The following PCDHA2 variants were observed in gnomAD, a reference collection of about 807,000 sequenced individuals.
The protein encoded by PCDHA2 is protocadherin alpha-2.
Under a neutral mutation model 66.0 loss-of-function variants are expected in PCDHA2, and 58 were observed. That is an observed-to-expected ratio of 0.88 (90% CI 0.71 to 1.09). PCDHA2 has a LOEUF of 1.09. Among genes scored for constraint, PCDHA2 ranks in the 50% least tolerant of loss-of-function variants. The pLI is 0.00. For synonymous variants in PCDHA2, 634 were observed against 554.0 expected (o/e 1.14, Z -2.03); for missense variants, 1,267 against 1,242.3 (o/e 1.02, Z -0.30).
intron 1 of PCDHA2, chr5:140,802,583 G>A: frequency 1.2e-6 from 2 of 1,613,990 alleles, no homozygotes; most frequent in Non-Finnish European, 1.7e-6. Context: ...AGTACACGGT[G>A]TTCGTGAAGG....
chr5:140,819,460 C>T (rs898793780), intron 1 of PCDHA2, among the ~76,000 whole-genome samples: 2 of 152,056 alleles, frequency 1.3e-5, no homozygotes, highest in Admixed American at 6.6e-5. Flanking sequence ...CAAGGAAGAA[C>T]TTCTGTTTAC....
intron 3 of PCDHA2, among the ~76,000 whole-genome samples, chr5:140,983,479 G>A (rs1297150913): frequency 1.3e-5 from 2 of 152,194 alleles, no homozygotes; most frequent in Non-Finnish European, 2.9e-5. Context: ...GATAATAGTA[G>A]TTACTAATTA....
chr5:140,856,933 C>A (rs1554149303), intron 1 of PCDHA2: 5 of 1,593,874 alleles, frequency 3.1e-6, no homozygotes, highest in East Asian at 4.5e-5. Flanking sequence ...TTTGGATAAA[C>A]GAAAGGACGG....
intron 1 of PCDHA2, chr5:140,869,239 G>A: frequency 6.2e-7 from 1 of 1,613,652 alleles, no homozygotes; most frequent in Non-Finnish European, 8.5e-7. Context: ...CACCTTCGTG[G>A]GCCGCATCGC....
chr5:140,939,729 G>A (rs1376988004), intron 1 of PCDHA2, among the ~76,000 whole-genome samples: 16 of 152,166 alleles, frequency 1.1e-4, no homozygotes, highest in Admixed American at 1.0e-3. Context: ...ATTGTTGTGT[G>A]TAGCTGTGTA....
At chr5:140,857,857 C>A (rs1415276512) in intron 1 of PCDHA2, 1 of 1,597,670 alleles carries the variant, frequency 6.3e-7, no homozygotes, top group Non-Finnish European at 8.6e-7. Flanking sequence ...CTGGATACAA[C>A]GCGTGGCTGT....
intron 1 of PCDHA2, among the ~76,000 whole-genome samples, chr5:140,937,072 C>G (rs1321046541): frequency 7.0e-6 from 1 of 143,792 alleles, no homozygotes; most frequent in East Asian, 2.0e-4. Flanking sequence ...GAGTCTCGCT[C>G]TGTCGCCCAG....
intron 1 of PCDHA2, chr5:140,928,280 C>G (rs781831365): frequency 6.2e-7 from 1 of 1,614,194 alleles, no homozygotes; most frequent in East Asian, 2.2e-5. Context: ...CCTGGGGCCT[C>G]TCTAGGCCGA....
chr5:140,967,073 G>T, intron 1 of PCDHA2: 1 of 1,613,160 alleles, frequency 6.2e-7, no homozygotes, highest in Non-Finnish European at 8.5e-7. Flanking sequence ...CTTCGTCAAC[G>T]AGCGCATTGA....
At chr5:140,825,416 A>C (rs1275589572) in intron 1 of PCDHA2, 1 of 147,362 alleles carries the variant, frequency 6.8e-6, no homozygotes. Flanking sequence ...ATTTTATATA[A>C]TATATATAAT....
At chr5:140,815,836 A>G (rs114688283) in intron 1 of PCDHA2, 1 of 152,148 alleles carries the variant, frequency 6.6e-6, no homozygotes, top group African/African-American at 2.4e-5. Context: ...TTTGAAGACA[A>G]ACTTTGGTGG....
chr5:140,891,344 T>C (rs952306829), intron 1 of PCDHA2, among the ~76,000 whole-genome samples: 2 of 152,166 alleles, frequency 1.3e-5, no homozygotes, highest in East Asian at 1.9e-4. Flanking sequence ...GAGATTTTGG[T>C]GCATCCATCA....
intron 1 of PCDHA2, among the ~76,000 whole-genome samples, chr5:140,826,940 G>A (rs1769124499): frequency 6.6e-6 from 1 of 152,040 alleles, no homozygotes; most frequent in South Asian, 2.1e-4. Context: ...AGGTGGATGT[G>A]GAATAAGGCA....
chr5:140,813,508 CAT>C (rs1765319427), intron 1 of PCDHA2: 1 of 152,062 alleles, frequency 6.6e-6, no homozygotes. Context: ...ACAGTAAAAA[CAT>C]TGTACAGATT....
chr5:141,010,341 T>G lies in PCDHA2; in HGVS notation c.*404T>G, dbSNP rs199826290. The stretch of plus-strand genomic sequence containing the variant: ...GAGCAGCTTGGGAGTTTGTGGCCAC[T>G]GGGTATGTGTGGCTACCGCGGGTAT... On this transcript the variant is annotated 3_prime_UTR_variant, in exon 4 of 4. Transcript: ENST00000526136. The G allele has an allele frequency of 4.0e-6, 6 of 1,503,220 alleles. No individual in the cohort carries two copies. Among genetic ancestry groups the G allele is most frequent in the Non-Finnish European group, 4.5e-6 (5 of 1,119,592 alleles). The allele number at this position is 1,503,220 out of a possible 1,614,324, so 93.1% of individuals were successfully genotyped here.
chr5:140,800,923 T>C, intron 1 of PCDHA2: 1 of 693,390 alleles, frequency 1.4e-6, no homozygotes, highest in East Asian at 3.9e-5. Context: ...CAATTGAAAC[T>C]AGAAATTTTG....
chr5:140,995,047 C>G (rs1174630120), intron 3 of PCDHA2, among the ~76,000 whole-genome samples: 2 of 152,158 alleles, frequency 1.3e-5, no homozygotes, highest in Admixed American at 1.3e-4. Context: ...CTTAACTCTA[C>G]TGAATTTTCA....
At chr5:141,003,689 A>G (rs2098134450) in intron 3 of PCDHA2, among the ~76,000 whole-genome samples, 3 of 152,228 alleles carry the variant, frequency 2.0e-5, no homozygotes, top group African/African-American at 7.2e-5. Flanking sequence ...ATTTTAAAAT[A>G]TATCCCTACC....
chr5:141,009,760 A>G lies in PCDHA2; in HGVS notation c.2670A>G (p.Gly890=), dbSNP rs782167920. The change falls in exon 4 of 4, where the codon GGA becomes GGG. Residue 890 remains glycine, a synonymous_variant. Coordinates refer to ENST00000526136, the MANE Select transcript of PCDHA2 (RefSeq NM_018905.3). ...GELPDKFIIP[G]SPAIISIRQE... ...TGCCCGACAAATTCATTATCCCAGGATCTCCTGCAATCATCTCCATCCGGC... is the reference window on the plus strand; with the variant it reads ...TGCCCGACAAATTCATTATCCCAGGGTCTCCTGCAATCATCTCCATCCGGC... 6.2e-7 allele frequency: 1 copy of G among 1,614,130 alleles called. No homozygotes were observed. Among genetic ancestry groups the G allele is most frequent in the Non-Finnish European group, 8.5e-7 (1 of 1,180,026 alleles).
Sources: gnomAD v4.1 joint callset for allele counts (sites outside exome capture counted in the v4.1 genomes callset) on GRCh38, gnomAD v4.1.1 for gene constraint, MANE v1.5 for transcripts, NCBI Gene and HGNC (gene_info 2026-07-23, HGNC 2026-07-21) for gene names.